The following LOXHD1 variants were observed in gnomAD, a reference collection of about 807,000 sequenced individuals.
LOXHD1 encodes lipoxygenase homology PLAT domains 1, also known as lipoxygenase homology domain-containing protein 1.
Under a neutral mutation model 248.2 loss-of-function variants are expected in LOXHD1, and 205 were observed. That is an observed-to-expected ratio of 0.83 (90% CI 0.74 to 0.93). The LOEUF (loss-of-function observed/expected upper bound fraction) is 0.93. Ranked by LOEUF, LOXHD1 falls within the 40% of genes least tolerant of loss-of-function variation. The pLI, the probability that LOXHD1 is intolerant of heterozygous loss-of-function variation, is 0.00. For synonymous variants in LOXHD1, 1,113 were observed against 1,162.8 expected, an observed-to-expected ratio of 0.96 and a Z score of 0.87; for missense variants, 2,930 against 2,971.6, an observed-to-expected ratio of 0.99 and a Z score of 0.33.
chr18:46,629,897 A>G (rs1189034250), intron 4 of LOXHD1, among the ~76,000 whole-genome samples: 2 of 151,940 alleles, frequency 1.3e-5, no homozygotes, highest in Non-Finnish European at 2.9e-5. Context: ...CACCACCTGC[A>G]TGCGCCCAGC....
intron 16 of LOXHD1, among the ~76,000 whole-genome samples, chr18:46,566,744 C>T (rs750600221): frequency 3.3e-5 from 5 of 152,202 alleles, no homozygotes; most frequent in African/African-American, 9.7e-5. Context: ...AATTTGAAAG[C>T]TCCACTAGTA....
intron 22 of LOXHD1, among the ~76,000 whole-genome samples, chr18:46,545,833 T>A (rs1406948449): frequency 6.6e-6 from 1 of 151,144 alleles, no homozygotes; most frequent in East Asian, 1.9e-4. Flanking sequence ...GTTTCACCGT[T>A]TTAGCCGGGA....
At chr18:46,553,529 G>A (rs1290554995) in intron 21 of LOXHD1, among the ~76,000 whole-genome samples, 1 of 152,192 alleles carries the variant, frequency 6.6e-6, no homozygotes, top group Admixed American at 6.5e-5. Flanking sequence ...TCAAATTAAT[G>A]AATAAATCAA....
intron 24 of LOXHD1, 136 bp from the exon 25 acceptor site, chr18:46,542,076 G>T: frequency 1.2e-6 from 1 of 810,160 alleles, no homozygotes; most frequent in Non-Finnish European, 1.9e-6. Flanking sequence ...TTTGCTTGCA[G>T]CATTGCTAAA....
chr18:46,552,311 G>T (rs186437614), intron 21 of LOXHD1, among the ~76,000 whole-genome samples: 2 of 152,246 alleles, frequency 1.3e-5, no homozygotes. Flanking sequence ...CATTAAACAG[G>T]CTTTCTCATG....
chr18:46,648,571 T>G (rs1001192306), intron 2 of LOXHD1, among the ~76,000 whole-genome samples: 3 of 152,190 alleles, frequency 2.0e-5, no homozygotes, highest in South Asian at 4.1e-4. Flanking sequence ...TGTATGTTGG[T>G]GTATGCGTGC....
intron 4 of LOXHD1, among the ~76,000 whole-genome samples, chr18:46,620,838 G>A (rs1318058750): frequency 6.6e-6 from 1 of 152,168 alleles, no homozygotes; most frequent in African/African-American, 2.4e-5. Context: ...CAGAAGGAAG[G>A]GGAAGCACCC....
At chr18:46,608,514 T>G (rs879873207) in intron 6 of LOXHD1, among the ~76,000 whole-genome samples, 4 of 152,218 alleles carry the variant, frequency 2.6e-5, no homozygotes, top group South Asian at 4.1e-4. Context: ...CTTTTCAGAA[T>G]GAAGAAAGTG....
chr18:46,550,864 T>G (rs2037068979), intron 21 of LOXHD1, among the ~76,000 whole-genome samples: 1 of 152,138 alleles, frequency 6.6e-6, no homozygotes, highest in African/African-American at 2.4e-5. Context: ...AAATGGTAAT[T>G]GAAGTGATAA....
At chr18:46,559,678 A>G in intron 19 of LOXHD1, 76 bp from the exon 20 acceptor site, 1 of 1,437,070 alleles carries the variant, frequency 7.0e-7, no homozygotes, top group Non-Finnish European at 9.5e-7. Context: ...AGCCTCTCAG[A>G]TCCAGCCAGA....
intron 4 of LOXHD1, among the ~76,000 whole-genome samples, chr18:46,631,706 C>T (rs550891736): frequency 7.2e-5 from 11 of 152,324 alleles, no homozygotes; most frequent in African/African-American, 2.6e-4. Context: ...ACTCTGGGAA[C>T]AAGGAGCCAA....
At chr18:46,478,300 C>T (rs988555369) in intron 40 of LOXHD1, among the ~76,000 whole-genome samples, 2 of 152,126 alleles carry the variant, frequency 1.3e-5, no homozygotes, top group African/African-American at 4.8e-5. Context: ...TCACCTGCCT[C>T]AGGCTCCCAA....
chr18:46,555,838 T>C (rs2037305142), intron 21 of LOXHD1, among the ~76,000 whole-genome samples: 1 of 152,062 alleles, frequency 6.6e-6, no homozygotes, highest in African/African-American at 2.4e-5. Context: ...GGGCTGTGGC[T>C]TCACCTCCCT....
At chr18:46,587,493 A>C (rs973462995) in intron 12 of LOXHD1, among the ~76,000 whole-genome samples, 13 of 152,158 alleles carry the variant, frequency 8.5e-5, no homozygotes, top group Non-Finnish European at 1.9e-4. Context: ...GAAGTTCTCA[A>C]GGGTCTTGAT....
intron 37 of LOXHD1, among the ~76,000 whole-genome samples, chr18:46,496,026 C>T (rs2033842980): frequency 1.3e-5 from 2 of 152,090 alleles, no homozygotes; most frequent in African/African-American, 2.4e-5. Flanking sequence ...AGTGAAACTC[C>T]ATCCGTAAAT....
At chr18:46,486,183 CAGTA>C (rs1396058792) in intron 38 of LOXHD1, among the ~76,000 whole-genome samples, 1 of 152,162 alleles carries the variant, frequency 6.6e-6, no homozygotes, top group Non-Finnish European at 1.5e-5. Flanking sequence ...CTGGAGGACA[CAGTA>C]AGTGTCTGGC....
chr18:46,551,546 CTCT>C (rs1205700912), intron 21 of LOXHD1, among the ~76,000 whole-genome samples: 2 of 152,058 alleles, frequency 1.3e-5, no homozygotes, highest in African/African-American at 4.8e-5. Context: ...AAAAACTAGC[CTCT>C]TCTTATTCTA....
intron 4 of LOXHD1, among the ~76,000 whole-genome samples, chr18:46,619,661 A>T (rs899873308): frequency 3.3e-5 from 5 of 152,206 alleles, no homozygotes; most frequent in Non-Finnish European, 5.9e-5. Context: ...GGTTGGAGAG[A>T]TGAGGAGAAA....
intron 14 of LOXHD1, among the ~76,000 whole-genome samples, chr18:46,573,291 G>GAA (rs2037792094): frequency 6.6e-6 from 1 of 152,176 alleles, no homozygotes; most frequent in South Asian, 2.1e-4. Flanking sequence ...CCACCAGGCG[G>GAA]AAAGGTATGG....
Sources: gnomAD v4.1 joint callset for allele counts (sites outside exome capture counted in the v4.1 genomes callset) on GRCh38, gnomAD v4.1.1 for gene constraint, MANE v1.5 for transcripts, NCBI Gene and HGNC (gene_info 2026-07-23, HGNC 2026-07-21) for gene names.